TMTC4: variants seen among roughly 807,000 people sequenced by gnomAD.
TMTC4 encodes the protein protein O-mannosyl-transferase TMTC4.
A neutral mutation model predicts 86.0 loss-of-function variants in TMTC4; 65 were observed. The observed-to-expected ratio is 0.76, with a 90% CI of 0.62 to 0.93. The LOEUF (loss-of-function observed/expected upper bound fraction) is 0.93. Among genes scored for constraint, TMTC4 ranks in the 40% least tolerant of loss-of-function variants. The probability of loss-of-function intolerance (pLI) is 0.00; values close to 1 mark genes in which losing one functional copy is unlikely to be tolerated. For missense variants in TMTC4, 866 were observed against 948.1 expected (o/e 0.91, Z 1.14); for synonymous variants, 379 against 382.5 (o/e 0.99, Z 0.11).
chr13:100,636,881 G>T, intron 9 of TMTC4, 147 bp from the exon 10 acceptor site: 1 of 772,480 alleles, frequency 1.3e-6, no homozygotes, highest in Non-Finnish European at 2.1e-6. Context: ...CGTGTATTGG[G>T]TATGTGACTA....
chr13:100,647,492 G>C (rs924123069), intron 6 of TMTC4, among the ~76,000 whole-genome samples: 2 of 151,280 alleles, frequency 1.3e-5, no homozygotes, highest in African/African-American at 4.9e-5. Context: ...AATTTGTGTT[G>C]GTACTTCTCA....
intron 15 of TMTC4, chr13:100,623,845 A>G: frequency 2.2e-6 from 1 of 464,524 alleles, no homozygotes; most frequent in South Asian, 1.6e-5. Flanking sequence ...AAACCAGATG[A>G]CAGCACTGTT....
intron 17 of TMTC4, among the ~76,000 whole-genome samples, chr13:100,610,015 C>CT (rs775497621): frequency 3.9e-5 from 6 of 152,324 alleles, no homozygotes; most frequent in African/African-American, 9.6e-5. Flanking sequence ...CATTTTACAA[C>CT]TACTTAACTG....
intron 9 of TMTC4, among the ~76,000 whole-genome samples, chr13:100,637,283 TG>T (rs1882370087): frequency 6.6e-6 from 1 of 151,438 alleles, no homozygotes; most frequent in Non-Finnish European, 1.5e-5. Context: ...AGGACCCTGA[TG>T]TGAGAAGGAA....
chr13:100,674,882 C>T, upstream of TMTC4: 7 of 981,498 alleles, frequency 7.1e-6, no homozygotes, highest in Non-Finnish European at 8.5e-6. Flanking sequence ...CCTCCCGCAG[C>T]TCCCCACGCG....
intron 15 of TMTC4, chr13:100,624,349 A>ATAAAT (rs1555341021): frequency 4.0e-5 from 2 of 49,544 alleles, no homozygotes; most frequent in African/African-American, 8.6e-5. Context: ...CTCAAAAAAA[A>ATAAAT]AAAATAAAAA....
intron 1 of TMTC4, among the ~76,000 whole-genome samples, chr13:100,672,718 C>T (rs952089674): frequency 2.6e-5 from 4 of 152,188 alleles, no homozygotes; most frequent in Admixed American, 2.6e-4. Context: ...AATCAAACTC[C>T]TGGCTTCAAG....
intron 6 of TMTC4, among the ~76,000 whole-genome samples, chr13:100,655,717 ACTCT>A (rs1426541037): frequency 6.6e-6 from 1 of 152,150 alleles, no homozygotes; most frequent in Non-Finnish European, 1.5e-5. Flanking sequence ...CTGTCCCCAA[ACTCT>A]CTAATGTATC....
rs191878555 is a variant in TMTC4 at position 100,623,563 on chromosome 13, T to G, written c.1836+1972A>C. 4.0e-5 allele frequency among the ~76,000 whole-genome samples: 6 copies of G among 151,830 alleles called. No individual in the cohort carries two copies. In the East Asian group the frequency reaches 1.2e-3, roughly 29 times the overall value. ...TTGTTATTTTAAAACAGATTCTCTA[T>G]AGAGCCCTTGATTCCCTAAATGTCA... On this transcript the variant is annotated intron_variant, in intron 15 of 18. Coordinates refer to ENST00000342624, the MANE Select transcript of TMTC4 (RefSeq NM_032813.5).
At chr13:100,637,506 A>T in intron 9 of TMTC4, 32 bp downstream of exon 9, 1 of 1,580,646 alleles carries the variant, frequency 6.3e-7, no homozygotes, top group Non-Finnish European at 8.6e-7. Flanking sequence ...GGGGAAGAAA[A>T]GAGTCCAGGG....
At chr13:100,670,170 A>T (rs780895221) in intron 2 of TMTC4, 190 bp downstream of exon 2, 2 of 556,922 alleles carry the variant, frequency 3.6e-6, no homozygotes, top group African/African-American at 3.9e-5. Flanking sequence ...TGCTGAGATG[A>T]AAGAGAATTC....
At chr13:100,669,664 C>G (rs190700237) in intron 2 of TMTC4, among the ~76,000 whole-genome samples, 16 of 152,298 alleles carry the variant, frequency 1.1e-4, no homozygotes, top group African/African-American at 2.4e-4. Context: ...GAGCCCACCC[C>G]CTGCGGCCCT....
At chr13:100,667,423 T>C (rs1886521067) in intron 3 of TMTC4, among the ~76,000 whole-genome samples, 1 of 152,006 alleles carries the variant, frequency 6.6e-6, no homozygotes, top group Non-Finnish European at 1.5e-5. Flanking sequence ...AACGAGACTC[T>C]GTCTCAAAAC....
intron 15 of TMTC4, among the ~76,000 whole-genome samples, chr13:100,619,016 G>C (rs1174247515): frequency 6.6e-6 from 1 of 152,218 alleles, no homozygotes; most frequent in South Asian, 2.1e-4. Flanking sequence ...ACACCTCCCA[G>C]ATGGGGCGGC....
rs1373475970 is a variant in TMTC4 at position 100,637,683 on chromosome 13, T to A, written c.854A>T (p.Asn285Ile). The A allele has an allele frequency of 1.9e-6, 3 of 1,613,966 alleles. No homozygotes were observed. Among genetic ancestry groups the A allele is most frequent in the Non-Finnish European group, 1.7e-6 (2 of 1,179,892 alleles). ...KSLENLGMLR[N>I]GGLLFRMTLL... Reference sequence around the variant, plus strand: ...GGTCATTCTGAAGAGGAGGCCCCCGTTCCTGAGCATGCCGAGATTCTGCAA... The same window carrying A: ...GGTCATTCTGAAGAGGAGGCCCCCGATCCTGAGCATGCCGAGATTCTGCAA... Residue 285 changes from asparagine (N) to isoleucine (I), a missense_variant, in exon 9 of 19, where the codon AAC becomes ATC. Physicochemically the swap from Asn to Ile is moderately radical, Grantham distance 149. Transcript: ENST00000342624.
chr13:100,671,099 G>C (rs1305328985), intron 1 of TMTC4, among the ~76,000 whole-genome samples: 1 of 152,248 alleles, frequency 6.6e-6, no homozygotes, highest in Non-Finnish European at 1.5e-5. Flanking sequence ...GTCATGAGCT[G>C]ACAAAAGGTC....
At chr13:100,664,913 G>A (rs548383795) in intron 3 of TMTC4, among the ~76,000 whole-genome samples, 3 of 152,106 alleles carry the variant, frequency 2.0e-5, no homozygotes, top group Non-Finnish European at 2.9e-5. Flanking sequence ...TGCTTAATAC[G>A]TGTCAAATAA....
At chr13:100,618,549 C>T (rs1878925471) in intron 15 of TMTC4, among the ~76,000 whole-genome samples, 1 of 148,414 alleles carries the variant, frequency 6.7e-6, no homozygotes, top group Admixed American at 6.9e-5. Flanking sequence ...GGGGATTTGG[C>T]AGGGTCATAG....
intron 12 of TMTC4, among the ~76,000 whole-genome samples, chr13:100,634,324 C>T (rs912205072): frequency 6.6e-6 from 1 of 152,118 alleles, no homozygotes; most frequent in Non-Finnish European, 1.5e-5. Flanking sequence ...TATTGTGCAG[C>T]ACATAGCATA....
Sources: gnomAD v4.1 joint callset for allele counts (sites outside exome capture counted in the v4.1 genomes callset) on GRCh38, gnomAD v4.1.1 for gene constraint, MANE v1.5 for transcripts, NCBI Gene and HGNC (gene_info 2026-07-23, HGNC 2026-07-21) for gene names.